EIF2AK4: variants seen among roughly 807,000 people sequenced by gnomAD.
EIF2AK4 encodes eIF-2-alpha kinase GCN2.
EIF2AK4 carries 139 observed loss-of-function variants against 211.1 expected under a neutral mutation model. The ratio of observed to expected loss-of-function variants is 0.66; its 90% confidence interval spans 0.57 to 0.76. EIF2AK4 has a LOEUF of 0.76. EIF2AK4 is among the 30% of genes least tolerant of loss of function. The pLI, the probability that EIF2AK4 is intolerant of heterozygous loss-of-function variation, is 0.00. For synonymous variants in EIF2AK4, 710 were observed against 751.3 expected (o/e 0.94, Z 0.90); for missense variants, 1,664 against 2,043.8 (o/e 0.81, Z 3.58).
At chr15:39,980,900 A>G (rs894520447) in intron 13 of EIF2AK4, among the ~76,000 whole-genome samples, 3 of 152,244 alleles carry the variant, frequency 2.0e-5, no homozygotes, top group Admixed American at 6.5e-5. Context: ...ACCAGCAGTT[A>G]CAAGGGTTCA....
chr15:39,938,167 T>C (rs1282108622), intron 1 of EIF2AK4, among the ~76,000 whole-genome samples: 2 of 152,088 alleles, frequency 1.3e-5, no homozygotes, highest in Non-Finnish European at 2.9e-5. Context: ...TGAAGTTCCA[T>C]GAGAGCTGGA....
intron 13 of EIF2AK4, among the ~76,000 whole-genome samples, chr15:39,980,171 C>G (rs2034761638): frequency 6.6e-6 from 1 of 152,174 alleles, no homozygotes; most frequent in African/African-American, 2.4e-5. Context: ...CTAGAGTTGA[C>G]ATTTCATTTT....
rs567723643 is a variant in EIF2AK4 at position 40,029,422 on chromosome 15, C to T, written c.4519C>T (p.Leu1507Phe). The T allele has an allele frequency of 9.9e-6, 16 of 1,612,954 alleles. 1 individual carries two copies. In the South Asian group the frequency reaches 1.8e-4, roughly 18 times the overall value. The part of the protein sequence containing the change: ...ERNGREASDN[L>F]AVQNLKGSFS... The stretch of plus-strand genomic sequence containing the variant: ...TGTTTTTAGAGAAGCTTCCGATAAT[C>T]TTGCAGTGCAAAATCTGAAGGGGTC... The change falls in exon 34 of 39, where the codon CTT (leucine) becomes TTT (phenylalanine). Residue 1507 changes from leucine to phenylalanine, a missense_variant. Leu to Phe is a conservative substitution (Grantham distance 22). This residue lies in a region of EIF2AK4 where 138 missense variants were observed against 165.1 expected (regional missense o/e 0.84). Transcript: ENST00000263791.
intron 23 of EIF2AK4, 70 bp downstream of exon 23, chr15:40,003,384 A>T (rs1438827779): frequency 6.3e-7 from 1 of 1,581,666 alleles, no homozygotes; most frequent in East Asian, 2.2e-5. Context: ...TCTCTGTTAA[A>T]GGATTTTTCC....
At chr15:40,024,831 A>G (rs2035444952) in intron 32 of EIF2AK4, among the ~76,000 whole-genome samples, 1 of 145,730 alleles carries the variant, frequency 6.9e-6, no homozygotes, top group African/African-American at 2.6e-5. Flanking sequence ...GGATCAAGTG[A>G]TCCTCCCACC....
chr15:40,015,391 C>G (rs551009975), intron 27 of EIF2AK4, among the ~76,000 whole-genome samples: 5 of 152,174 alleles, frequency 3.3e-5, no homozygotes, highest in Non-Finnish European at 5.9e-5. Context: ...CAAAGAGGAA[C>G]AAGTCATGTC....
rs17848523 is a variant in EIF2AK4 at position 40,022,683 on chromosome 15, G to C, written c.4389+78G>C. ...GCACCTGCCTTCACACTGAGGCCCGGGCCGTGTAGGTGACTGGAAATCCGT... is the reference window on the plus strand; with the variant it reads ...GCACCTGCCTTCACACTGAGGCCCGCGCCGTGTAGGTGACTGGAAATCCGT... On this transcript the variant is annotated intron_variant, in intron 32 of 38. Coordinates refer to ENST00000263791, the MANE Select transcript of EIF2AK4 (RefSeq NM_001013703.4). The C allele has an allele frequency of 1.6e-3, 2,120 of 1,290,584 alleles. 41 individuals carry two copies. The East Asian group carries it at 0.043, about 26-fold the overall frequency. The allele number at this position is 1,290,584 out of a possible 1,614,324, so 79.9% of individuals were successfully genotyped here. A position where few individuals can be genotyped will look rare whatever the true frequency, so the allele number is the denominator to read the frequency against.
At chr15:39,992,354 C>T (rs1268795752) in intron 17 of EIF2AK4, 125 bp downstream of exon 17, 80 of 694,012 alleles carry the variant, frequency 1.2e-4, no homozygotes. Flanking sequence ...CTTAAGTTAA[C>T]AAAATTATGG....
chr15:39,955,551 A>C (rs1313439130), intron 5 of EIF2AK4, 69 bp from the exon 6 acceptor site: 1 of 1,483,352 alleles, frequency 6.7e-7, no homozygotes, highest in East Asian at 2.4e-5. Flanking sequence ...CTGAATTAAT[A>C]ATTATGTACC....
rs1330165983 is a variant in EIF2AK4 at position 39,939,587 on chromosome 15, G to A, written c.227G>A (p.Arg76Lys). The change falls in exon 2 of 39, where the codon AGG (arginine) becomes AAG (lysine). Residue 76 changes from arginine (R) to lysine (K), a missense_variant. By Grantham distance (26) the Arg-to-Lys change is conservative. Around this residue, in one of 7 missense-constraint regions of EIF2AK4, gnomAD observed 641 missense variants for 729.6 expected, o/e 0.88. Coordinates refer to ENST00000263791, the MANE Select transcript of EIF2AK4 (RefSeq NM_001013703.4). The part of the protein sequence containing the change: ...GEEVYVKVDL[R>K]VKCPPTYPDV... ...GAAGTATATGTAAAAGTGGATTTGA[G>A]GGTTAAATGCCCACCTACCTATCCA... The A allele has an allele frequency of 2.5e-6, 4 of 1,612,256 alleles. No individual in the cohort carries two copies. The highest frequency in any genetic ancestry group is 2.2e-5 in the East Asian group (1 of 44,796).
At chr15:40,016,358 G>T in intron 27 of EIF2AK4, 144 bp from the exon 28 acceptor site, 1 of 1,000,412 alleles carries the variant, frequency 1.0e-6, no homozygotes, top group Non-Finnish European at 1.5e-6. Context: ...AGTCAGGATT[G>T]TGGCAAAGCC....
At chr15:39,981,370 CAA>C (rs796464935) in intron 13 of EIF2AK4, among the ~76,000 whole-genome samples, 3 of 131,174 alleles carry the variant, frequency 2.3e-5, no homozygotes, top group Admixed American at 7.7e-5. Flanking sequence ...AACTCTGTCT[CAA>C]AAAAAAAAAA....
chr15:40,017,049 A>G, intron 28 of EIF2AK4, 59 bp from the exon 29 acceptor site: 4 of 1,587,574 alleles, frequency 2.5e-6, no homozygotes, highest in Non-Finnish European at 3.5e-6. Flanking sequence ...TTTCAGCATT[A>G]TATTCCACAT....
intron 4 of EIF2AK4, 133 bp downstream of exon 4, chr15:39,949,401 C>A: frequency 1.5e-6 from 2 of 1,308,848 alleles, no homozygotes; most frequent in Non-Finnish European, 2.1e-6. Flanking sequence ...AAGGTAGACA[C>A]ATGTGAGAGT....
At chr15:40,031,317 A>G (rs1019969624) in intron 35 of EIF2AK4, among the ~76,000 whole-genome samples, 1 of 152,242 alleles carries the variant, frequency 6.6e-6, no homozygotes, top group African/African-American at 2.4e-5. Flanking sequence ...GACATATGCA[A>G]AAGAGTGAGT....
intron 32 of EIF2AK4, among the ~76,000 whole-genome samples, chr15:40,023,030 G>T (rs1305279555): frequency 6.6e-6 from 1 of 152,138 alleles, no homozygotes; most frequent in African/African-American, 2.4e-5. Context: ...CCCGGCCGTT[G>T]TTGGGTTTCT....
intron 31 of EIF2AK4, chr15:40,021,746 C>G (rs2035390148): frequency 6.6e-6 from 1 of 152,370 alleles, no homozygotes; most frequent in Non-Finnish European, 1.5e-5. Flanking sequence ...AAGGGGTGCA[C>G]TCCCAGGAGA....
intron 31 of EIF2AK4, chr15:40,021,773 C>T (rs1403656019): frequency 6.6e-6 from 1 of 152,430 alleles, no homozygotes; most frequent in African/African-American, 2.4e-5. Context: ...AGGTTGTACC[C>T]ACATTCGCCC....
intron 33 of EIF2AK4, among the ~76,000 whole-genome samples, 175 bp downstream of exon 33, chr15:40,026,264 G>A (rs978726788): frequency 3.0e-4 from 46 of 152,258 alleles, no homozygotes; most frequent in African/African-American, 1.0e-3. Context: ...AGACCAGCCT[G>A]GGCAACATAC....
Sources: allele counts gnomAD v4.1 joint callset (sites outside exome capture counted in the v4.1 genomes callset), GRCh38; gene constraint gnomAD v4.1.1; regional missense constraint gnomAD v4.1.1; transcripts MANE v1.5; gene names NCBI Gene and HGNC (gene_info 2026-07-23, HGNC 2026-07-21).